DPF2: variants seen among roughly 807,000 people sequenced by gnomAD.
DPF2 encodes the protein zinc finger protein ubi-d4.
DPF2 carries 10 observed loss-of-function variants against 59.6 expected under a neutral mutation model. The observed-to-expected ratio is 0.17, with a 90% CI of 0.10 to 0.28. The LOEUF (loss-of-function observed/expected upper bound fraction) is 0.28. DPF2 is among the 10% of genes least tolerant of loss of function. The pLI is 1.00. For missense variants in DPF2, 315 were observed against 509.4 expected, an observed-to-expected ratio of 0.62 and a Z score of 3.67; for synonymous variants, 189 against 190.6, an observed-to-expected ratio of 0.99 and a Z score of 0.07.
In DPF2 at chr11:65,353,190, T is replaced by A. The variant is rs114549146; in HGVS notation, c.*1431T>A. The A allele has an allele frequency of 1.3e-5, 2 of 152,314 alleles. No individual in the cohort carries two copies. The highest frequency in any genetic ancestry group is 4.8e-5 in the African/African-American group (2 of 41,582). 9.4% of individuals were successfully genotyped at this position (152,314 alleles called of 1,614,324 possible). The stretch of plus-strand genomic sequence containing the variant: ...TACATAAATTCAAGTTTATAACAAT[T>A]CTTTGTTATAAAGAACAATGAAGCT... On this transcript the variant is annotated 3_prime_UTR_variant, in exon 11 of 11. Transcript: ENST00000528416.
intron 6 of DPF2, 90 bp from the exon 7 acceptor site, chr11:65,345,576 G>A (rs562620405): frequency 1.3e-6 from 2 of 1,559,678 alleles, no homozygotes; most frequent in Admixed American, 3.5e-5. Context: ...GTTGCCCTCT[G>A]CCTCAGGTGG....
chr11:65,339,387 G>A (rs1235059072), intron 1 of DPF2, among the ~76,000 whole-genome samples: 1 of 152,164 alleles, frequency 6.6e-6, no homozygotes, highest in East Asian at 1.9e-4. Context: ...CTGGCACTGT[G>A]CAGTTTTCCA....
intron 9 of DPF2, chr11:65,347,626 T>A (rs1854574218): frequency 6.6e-6 from 1 of 151,928 alleles, no homozygotes; most frequent in African/African-American, 2.4e-5. Flanking sequence ...GAACCCACCA[T>A]GTCTGGCCTT....
intron 1 of DPF2, among the ~76,000 whole-genome samples, chr11:65,336,379 C>G (rs1438675676): frequency 6.6e-6 from 1 of 151,870 alleles, no homozygotes; most frequent in Non-Finnish European, 1.5e-5. Context: ...GTAGTCCCAG[C>G]TACTTGAGAG....
At chr11:65,349,560 C>T (rs190316559) in intron 10 of DPF2, among the ~76,000 whole-genome samples, 2 of 152,082 alleles carry the variant, frequency 1.3e-5, no homozygotes, top group Non-Finnish European at 2.9e-5. Context: ...CTTTGGGAGG[C>T]CGAGGTGGGC....
intron 6 of DPF2, chr11:65,344,379 GC>G: frequency 1.6e-6 from 1 of 626,106 alleles, no homozygotes; most frequent in Admixed American, 2.9e-5. Context: ...TTAAGCCAGG[GC>G]CCCAGGGGTC....
At chr11:65,337,504 T>TATAGAG (rs1282367012) in intron 1 of DPF2, among the ~76,000 whole-genome samples, 52 of 21,382 alleles carry the variant, frequency 2.4e-3, no homozygotes, top group Admixed American at 4.3e-3. Flanking sequence ...TATATATATA[T>TATAGAG]AGAGAGAGAG....
intron 1 of DPF2, 73 bp from the exon 2 acceptor site, chr11:65,340,312 A>C (rs1174460145): frequency 6.5e-7 from 1 of 1,536,030 alleles, no homozygotes; most frequent in Non-Finnish European, 8.9e-7. Flanking sequence ...AGCAGATGGC[A>C]GGGGAGAGGA....
At chr11:65,344,594 A>C (rs1299184633) in intron 6 of DPF2, 2 of 1,535,866 alleles carry the variant, frequency 1.3e-6, no homozygotes, top group Non-Finnish European at 1.7e-6. Context: ...TTTCAAACAA[A>C]AGCATACCTC....
intron 1 of DPF2, among the ~76,000 whole-genome samples, chr11:65,339,864 G>A (rs755354228): frequency 6.6e-5 from 10 of 152,118 alleles, no homozygotes; most frequent in Non-Finnish European, 1.3e-4. Flanking sequence ...TTCATTGTAT[G>A]GATTTACCAT....
Position 65,353,126 on chromosome 11 carries a change from A to G in DPF2, c.*1367A>G, listed in dbSNP as rs1725795006. On this transcript the variant is annotated 3_prime_UTR_variant, in exon 11 of 11. Transcript: ENST00000528416. ...ATTAAAATTTTTTTGTGGAACCCCA[A>G]TATGTAAAGCGAATATAAAATTGGT... 6.6e-6 allele frequency: 1 copy of G among 151,880 alleles called. No individual in the cohort carries two copies. The highest frequency in any genetic ancestry group is 1.5e-5 in the Non-Finnish European group (1 of 67,992). The allele number at this position is 151,880 out of a possible 1,614,324, so 9.4% of individuals were successfully genotyped here. A position where few individuals can be genotyped will look rare whatever the true frequency, so the allele number is the denominator to read the frequency against.
chr11:65,349,520 G>A (rs1565542281), intron 10 of DPF2, among the ~76,000 whole-genome samples: 1 of 152,184 alleles, frequency 6.6e-6, no homozygotes, highest in Non-Finnish European at 1.5e-5. Flanking sequence ...TAGCAGCTGG[G>A]CGCGGTGGCT....
intron 9 of DPF2, 126 bp from the exon 10 acceptor site, chr11:65,348,724 C>T: frequency 1.2e-6 from 1 of 821,630 alleles, no homozygotes; most frequent in Non-Finnish European, 1.9e-6. Context: ...AGCATGGTTT[C>T]CCACATAAGA....
chr11:65,352,982 C>G lies in DPF2; in HGVS notation c.*1223C>G, dbSNP rs2137719457. ...TAAAAATAAATGTTTTTACACAGAG[C>G]CCTCTGCTGGATGGTTTATCTCCTG... On this transcript the variant is annotated 3_prime_UTR_variant, in exon 11 of 11. Transcript: ENST00000528416. 6.6e-6 allele frequency: 1 copy of G among 151,992 alleles called. No individual in the cohort carries two copies. The highest frequency in any genetic ancestry group is 2.4e-5 in the African/African-American group (1 of 41,446). 9.4% of individuals were successfully genotyped at this position (151,992 alleles called of 1,614,324 possible). A position where few individuals can be genotyped will look rare whatever the true frequency, so the allele number is the denominator to read the frequency against.
intron 6 of DPF2, chr11:65,344,300 T>G: frequency 1.6e-6 from 1 of 619,910 alleles, no homozygotes. Context: ...TGGGGTAGGG[T>G]TGCTTGTGGG....
At chr11:65,337,504 T>TATATATAAAGAGAGAGAG (rs1282367012) in intron 1 of DPF2, among the ~76,000 whole-genome samples, 1 of 21,398 alleles carries the variant, frequency 4.7e-5, no homozygotes, top group Non-Finnish European at 8.1e-5. Flanking sequence ...TATATATATA[T>TATATATAAAGAGAGAGAG]AGAGAGAGAG....
chr11:65,336,414 C>T (rs556576844), intron 1 of DPF2, among the ~76,000 whole-genome samples: 1 of 152,040 alleles, frequency 6.6e-6, no homozygotes, highest in Admixed American at 6.5e-5. Context: ...ATCGCCTGAA[C>T]CCAGGCGGCA....
In DPF2 at chr11:65,343,643, C is replaced by A; in HGVS notation, c.466-102C>A. ...AGGAATGAGGCTGGTGTGGGTGGGA[C>A]CACGTCACAGAGGAGGTTCTGGGTG... is the stretch of plus-strand genomic sequence containing the variant. On this transcript the variant is annotated intron_variant, in intron 4 of 10. Transcript: ENST00000528416. 2.7e-6 allele frequency: 3 copies of A among 1,096,624 alleles called. No individual in the cohort carries two copies. In the South Asian group the frequency reaches 4.2e-5, roughly 15 times the overall value. 67.9% of individuals were successfully genotyped at this position (1,096,624 alleles called of 1,614,324 possible).
Position 65,345,989 on chromosome 11 carries a change from G to A in DPF2, c.835G>A (p.Asp279Asn), listed in dbSNP as rs1227604052. The change falls in exon 8 of 11, where the codon GAC becomes AAC. Residue 279 changes from aspartate (D) to asparagine (N), a missense_variant. Coordinates refer to ENST00000528416, the MANE Select transcript of DPF2 (RefSeq NM_006268.5). ...CAACTACTGTGACTTCTGCCTGGGG[G>A]ACTCAAAGATTAACAAGAAGACGGG... The part of the protein sequence containing the change: ...PNNYCDFCLG[D>N]SKINKKTGQP... The A allele has an allele frequency of 6.2e-7, 1 of 1,614,172 alleles. No homozygotes were observed. The highest frequency in any genetic ancestry group is 1.7e-5 in the Admixed American group (1 of 60,014).
Sources: allele counts gnomAD v4.1 joint callset (sites outside exome capture counted in the v4.1 genomes callset), GRCh38; gene constraint gnomAD v4.1.1; transcripts MANE v1.5; gene names NCBI Gene and HGNC (gene_info 2026-07-23, HGNC 2026-07-21).